The following RND3 variants were observed in gnomAD, a reference collection of about 807,000 sequenced individuals.
RND3 encodes rho-related GTP-binding protein RhoE.
A neutral mutation model predicts 26.5 loss-of-function variants in RND3; 8 were observed. That is an observed-to-expected ratio of 0.30 (90% CI 0.18 to 0.54). The LOEUF is 0.54. Among genes scored for constraint, RND3 ranks in the 20% least tolerant of loss-of-function variants. RND3 has a pLI of 0.94. For synonymous variants in RND3, 113 were observed against 113.0 expected (o/e 1.00, Z 0.00); for missense variants, 207 against 302.8 (o/e 0.68, Z 2.35).
intron 4 of RND3, 54 bp from the exon 5 acceptor site, chr2:150,471,815 T>A (rs1686092393): frequency 6.9e-7 from 1 of 1,444,652 alleles, no homozygotes. Flanking sequence ...GGTATCCATA[T>A]CATGAAAACC....
chr2:150,478,090 A>G (rs529976511), intron 3 of RND3, among the ~76,000 whole-genome samples: 2 of 152,204 alleles, frequency 1.3e-5, no homozygotes, highest in East Asian at 3.9e-4. Flanking sequence ...AGAAATATCT[A>G]TTGTCTCTAT....
intron 5 of RND3, among the ~76,000 whole-genome samples, chr2:150,470,571 AGT>A (rs1271692396): frequency 2.0e-5 from 3 of 152,198 alleles, no homozygotes; most frequent in Non-Finnish European, 2.9e-5. Context: ...GATTCAAAGA[AGT>A]GTAGAGTGGA....
rs1686380479 is a variant in RND3 at position 150,486,836 on chromosome 2, T to C, written c.151-55A>G. On this transcript the variant is annotated intron_variant, in intron 2 of 5. Transcript: ENST00000263895. The surrounding 1 kb of genome is among the most constrained non-coding windows in gnomAD (Gnocchi z 4.5). The stretch of plus-strand genomic sequence containing the variant: ...GGAAAGAGGGCAAAGAGGTTACGTT[T>C]AAACGCACGACACCCATTGAACACC... 8.0e-7 allele frequency: 1 copy of C among 1,254,692 alleles called. No homozygotes were observed. Among genetic ancestry groups the C allele is most frequent in the Admixed American group, 1.7e-5 (1 of 59,544 alleles). The allele number at this position is 1,254,692 out of a possible 1,614,324, so 77.7% of individuals were successfully genotyped here.
chr2:150,481,465 C>T (rs1686268694), intron 3 of RND3, among the ~76,000 whole-genome samples: 1 of 152,134 alleles, frequency 6.6e-6, no homozygotes, highest in Admixed American at 6.6e-5. Context: ...TTAATCCGGG[C>T]TTCTCATTTG....
intron 4 of RND3, 170 bp from the exon 5 acceptor site, chr2:150,471,931 T>C: frequency 1.7e-6 from 1 of 591,200 alleles, no homozygotes; most frequent in Non-Finnish European, 3.0e-6. Flanking sequence ...TGAACAGATG[T>C]GAAGTTTTAC....
intron 5 of RND3, 88 bp from the exon 6 acceptor site, chr2:150,470,326 C>T: frequency 3.7e-6 from 5 of 1,365,204 alleles, no homozygotes; most frequent in Non-Finnish European, 5.0e-6. Flanking sequence ...AATAATAACA[C>T]ATTGCAAAAC....
chr2:150,487,295 A>G lies in RND3; in HGVS notation c.123T>C (p.His41=). The G allele has an allele frequency of 6.2e-7, 1 of 1,601,338 alleles. No individual in the cohort carries two copies. ...CGGGGAAGCAGTCCTTGGCGAAGACATGGAGCAGCGCAGTTTTTCCACACT... is the reference window on the plus strand; with the variant it reads ...CGGGGAAGCAGTCCTTGGCGAAGACGTGGAGCAGCGCAGTTTTTCCACACT... ...DSQCGKTALL[H]VFAKDCFPEN... The change falls in exon 2 of 6, where the codon CAT becomes CAC. Residue 41 remains histidine, a synonymous_variant. Coordinates refer to ENST00000263895, the MANE Select transcript of RND3 (RefSeq NM_005168.5).
intron 3 of RND3, among the ~76,000 whole-genome samples, chr2:150,482,566 A>C (rs1157072046): frequency 6.6e-6 from 1 of 152,172 alleles, no homozygotes; most frequent in African/African-American, 2.4e-5. Context: ...AAAATGAAGA[A>C]GTTATGGGCC....
intron 3 of RND3, among the ~76,000 whole-genome samples, chr2:150,478,013 T>C (rs1686195314): frequency 1.3e-5 from 2 of 152,124 alleles, no homozygotes; most frequent in South Asian, 4.1e-4. Flanking sequence ...CAAGAGTAAT[T>C]TATTTAAAAT....
intron 4 of RND3, among the ~76,000 whole-genome samples, chr2:150,472,792 G>T (rs1330632469): frequency 6.6e-6 from 1 of 152,094 alleles, no homozygotes; most frequent in Non-Finnish European, 1.5e-5. Flanking sequence ...CAGAATACTG[G>T]GGGTGATGAA....
In RND3 at chr2:150,481,874, C is replaced by A. The variant is rs56269729; in HGVS notation, c.238+4820G>T. Among the ~76,000 whole-genome samples the A allele has an allele frequency of 5.2e-3, 786 of 152,254 alleles. 5 individuals are homozygous for A. Among genetic ancestry groups the A allele is most frequent in the African/African-American group, 0.018 (739 of 41,544 alleles). The stretch of plus-strand genomic sequence containing the variant: ...TAGAGAGCTTGTCACCAAGACCATT[C>A]TTCATACTTGATGTACAATAATCTA... On this transcript the variant is annotated intron_variant, in intron 3 of 5. Transcript: ENST00000263895.
rs2105225047 is a variant in RND3 at position 150,486,659 on chromosome 2, C to T, written c.238+35G>A. On this transcript the variant is annotated intron_variant, in intron 3 of 5. Coordinates refer to ENST00000263895, the MANE Select transcript of RND3 (RefSeq NM_005168.5). This position sits in a 1 kb window ranked among gnomAD's most constrained non-coding sequence, Gnocchi z 4.5. ...CGCGCATCCCCCAGCGACTGGAAAC[C>T]CGCCCCAAGCGCCACGCGGTCCTCC... 1 of 1,482,636 alleles carries T rather than the reference C, an allele frequency of 6.7e-7. No homozygotes were observed. Among genetic ancestry groups the T allele is most frequent in the Non-Finnish European group, 9.4e-7 (1 of 1,060,310 alleles). The allele number at this position is 1,482,636 out of a possible 1,614,324, so 91.8% of individuals were successfully genotyped here. A position where few individuals can be genotyped will look rare whatever the true frequency, so the allele number is the denominator to read the frequency against.
chr2:150,486,982 A>C lies in RND3; in HGVS notation c.151-201T>G. The stretch of plus-strand genomic sequence containing the variant: ...CCCACTCACCCCACCCGGCTCTCAC[A>C]GATCTGCTGACCCGAATCTCCCAAC... On this transcript the variant is annotated intron_variant, in intron 2 of 5. Coordinates refer to ENST00000263895, the MANE Select transcript of RND3 (RefSeq NM_005168.5). The surrounding 1 kb of genome is among the most constrained non-coding windows in gnomAD (Gnocchi z 4.5). 4 of 619,958 alleles carry C rather than the reference A, an allele frequency of 6.5e-6. No individual in the cohort carries two copies. The highest frequency in any genetic ancestry group is 1.2e-5 in the Non-Finnish European group (4 of 346,934). The allele number at this position is 619,958 out of a possible 1,614,324, so 38.4% of individuals were successfully genotyped here.
At chr2:150,471,814 A>C in intron 4 of RND3, 53 bp from the exon 5 acceptor site, 5 of 1,458,150 alleles carry the variant, frequency 3.4e-6, no homozygotes, top group Non-Finnish European at 4.7e-6. Context: ...CGGTATCCAT[A>C]TCATGAAAAC....
intron 3 of RND3, among the ~76,000 whole-genome samples, chr2:150,481,209 A>G (rs1686263003): frequency 6.6e-6 from 1 of 152,146 alleles, no homozygotes. Context: ...TGAGTTAGGG[A>G]GCCTGGGCTG....
Position 150,486,546 on chromosome 2 carries a change from A to AG in RND3, c.238+147dup. 1 of 719,250 alleles carries AG rather than the reference A, an allele frequency of 1.4e-6. No individual in the cohort carries two copies. The highest frequency in any genetic ancestry group is 2.5e-6 in the Non-Finnish European group (1 of 393,388). The allele number at this position is 719,250 out of a possible 1,614,324, so 44.6% of individuals were successfully genotyped here. A position where few individuals can be genotyped will look rare whatever the true frequency, so the allele number is the denominator to read the frequency against. ...CTGTCGTCTGCCGCCCCCACCCAGA[A>AG]GGGATACAATTTTCGCCCAACAGGG... On this transcript the variant is annotated intron_variant, in intron 3 of 5. Coordinates refer to ENST00000263895, the MANE Select transcript of RND3 (RefSeq NM_005168.5). The surrounding 1 kb of genome is among the most constrained non-coding windows in gnomAD (Gnocchi z 4.5).
intron 3 of RND3, among the ~76,000 whole-genome samples, chr2:150,479,357 C>A (rs1686232909): frequency 6.6e-6 from 1 of 151,956 alleles, no homozygotes; most frequent in African/African-American, 2.4e-5. Context: ...AAGATTCATG[C>A]CCAAAAGGAA....
chr2:150,473,048 T>TCCTCTCTC (rs768634242), intron 4 of RND3, among the ~76,000 whole-genome samples: 13 of 139,320 alleles, frequency 9.3e-5, no homozygotes, highest in Non-Finnish European at 1.6e-4. Flanking sequence ...CTCCCTCCCT[T>TCCTCTCTC]CCTCTCTCCC....
At chr2:150,479,134 G>C (rs7579153) in intron 3 of RND3, among the ~76,000 whole-genome samples, 2 of 152,022 alleles carry the variant, frequency 1.3e-5, no homozygotes, top group African/African-American at 4.8e-5. Flanking sequence ...GCAAACATCA[G>C]CAAAGTTCTA....
Sources: gnomAD v4.1 joint callset for allele counts (sites outside exome capture counted in the v4.1 genomes callset) on GRCh38, gnomAD v4.1.1 for gene constraint, Gnocchi (gnomAD v3.1) non-coding constraint, MANE v1.5 for transcripts, NCBI Gene and HGNC (gene_info 2026-07-23, HGNC 2026-07-21) for gene names.